The following FGF13 variants were observed in gnomAD, a reference collection of about 807,000 sequenced individuals.
The protein encoded by FGF13 is fibroblast growth factor 13, also known as fibroblast growth factor homologous factor 2.
A neutral mutation model predicts 19.5 loss-of-function variants in FGF13; 2 were observed. That is an observed-to-expected ratio of 0.10 (90% CI 0.04 to 0.32). FGF13 has a LOEUF of 0.32. Among genes scored for constraint, FGF13 ranks in the 10% least tolerant of loss-of-function variants. FGF13 has a pLI of 1.00. For missense variants in FGF13, 113 were observed against 192.7 expected (o/e 0.59, Z 2.45); for synonymous variants, 72 against 76.9 (o/e 0.94, Z 0.33).
intron 3 of FGF13, among the ~76,000 whole-genome samples, chrX:138,809,697 C>A (rs1269803377): frequency 9.1e-6 from 1 of 109,552 alleles, no homozygotes; most frequent in South Asian, 3.8e-4. Flanking sequence ...TTAGAAAACC[C>A]CATCTCAGCC....
In FGF13 at chrX:138,978,266, G is replaced by GTTTTTTTTTTTTTT. The variant is rs10666140; in HGVS notation, c.-112-113630_-112-113617dup. ...TAATCTCTATGGGCTAGCTGCCCTGGTTTTTTTTTTTTTTGAGATGGAGTC... is the reference window on the plus strand; with the variant it reads ...TAATCTCTATGGGCTAGCTGCCCTGGTTTTTTTTTTTTTTTTTTTTTTTTTTTTGAGATGGAGTC... On this transcript the variant is annotated intron_variant, in intron 1 of 2. Transcript: ENST00000421460. Among the ~76,000 whole-genome samples, 27 of 82,885 alleles carry GTTTTTTTTTTTTTT rather than the reference G, an allele frequency of 3.3e-4. 3 individuals are homozygous for GTTTTTTTTTTTTTT. Among genetic ancestry groups the GTTTTTTTTTTTTTT allele is most frequent in the African/African-American group, 6.4e-4 (13 of 20,398 alleles). The allele number at this position is 82,885 out of a possible 115,157, so 72.0% of individuals were successfully genotyped here. A position where few individuals can be genotyped will look rare whatever the true frequency, so the allele number is the denominator to read the frequency against.
intron 1 of FGF13, among the ~76,000 whole-genome samples, chrX:138,875,158 G>A (rs2091380703): frequency 9.3e-6 from 1 of 107,579 alleles, no homozygotes; most frequent in Non-Finnish European, 1.9e-5. Flanking sequence ...CTTGAACCCG[G>A]GAGGCGAAGG....
At position 139,075,666 on chromosome X, in the gene FGF13, C is replaced by T. The variant is rs781062100; in HGVS notation, c.-113+127750G>A. Among the ~76,000 whole-genome samples, 105 of 111,774 alleles carry T rather than the reference C, an allele frequency of 9.4e-4. 1 individual carries two copies. In the South Asian group the frequency reaches 0.014, roughly 15 times the overall value. Reference sequence around the variant, plus strand: ...TGGAGGAGAAAAAGAAGGCTCTCAACTTGTCCACAGGCTAAACCTGCCTCT... The same window carrying T: ...TGGAGGAGAAAAAGAAGGCTCTCAATTTGTCCACAGGCTAAACCTGCCTCT... On this transcript the variant is annotated intron_variant, in intron 1 of 2. Transcript: ENST00000421460.
chrX:138,768,578 TCCTA>T (rs745944248), intron 3 of FGF13, among the ~76,000 whole-genome samples: 3 of 108,736 alleles, frequency 2.8e-5, no homozygotes, highest in South Asian at 7.9e-4. Flanking sequence ...AATATGTCAT[TCCTA>T]CCTATTAATG....
At chrX:138,736,756 C>T (rs1009326071) in intron 1 of FGF13, among the ~76,000 whole-genome samples, 2 of 109,482 alleles carry the variant, frequency 1.8e-5, no homozygotes, top group Admixed American at 2.0e-4. Flanking sequence ...TTTTCTTCCC[C>T]GAGAGAAGAA....
At chrX:139,194,274 T>A (rs983564800) in intron 1 of FGF13, among the ~76,000 whole-genome samples, 15 of 112,338 alleles carry the variant, frequency 1.3e-4, no homozygotes, top group African/African-American at 4.9e-4. Flanking sequence ...TATTATAATA[T>A]GCAGAGAAAA....
intron 1 of FGF13, among the ~76,000 whole-genome samples, chrX:139,084,576 G>A (rs1344445711): frequency 1.8e-5 from 2 of 111,740 alleles, no homozygotes; most frequent in African/African-American, 6.5e-5. Context: ...ACAGTTTGGG[G>A]ACTTAGCAGA....
intron 3 of FGF13, among the ~76,000 whole-genome samples, chrX:138,804,970 G>A (rs2090855239): frequency 9.0e-6 from 1 of 111,696 alleles, no homozygotes; most frequent in African/African-American, 3.2e-5. Context: ...TGATCATAGG[G>A]TGAAGATGGA....
At chrX:139,113,671 C>A (rs2083619486) in intron 1 of FGF13, among the ~76,000 whole-genome samples, 1 of 112,009 alleles carries the variant, frequency 8.9e-6, no homozygotes, top group Non-Finnish European at 1.9e-5. Context: ...TAGTAAAAGT[C>A]CGTTCACAAT....
intron 1 of FGF13, among the ~76,000 whole-genome samples, chrX:138,734,798 G>C (rs760978249): frequency 1.8e-5 from 2 of 111,852 alleles, no homozygotes; most frequent in Non-Finnish European, 3.8e-5. Flanking sequence ...GCCAGCCTGT[G>C]CCTTCCTGGA....
At position 138,987,323 on chromosome X, in the gene FGF13, C is replaced by G. The variant is rs371231802; in HGVS notation, c.-112-122673G>C. 4.5e-5 allele frequency among the ~76,000 whole-genome samples: 5 copies of G among 111,294 alleles called. No homozygotes were observed. In the East Asian group the frequency reaches 1.4e-3, roughly 31 times the overall value. ...TTTCCCTTTCCTTATAGTATTCACT[C>G]TTAGACTCTGTTCCTACTCTACTAA... On this transcript the variant is annotated intron_variant, in intron 1 of 2. Coordinates refer to the FGF13 transcript ENST00000421460.
At chrX:139,192,269 A>C (rs73634008) in intron 1 of FGF13, among the ~76,000 whole-genome samples, 9,330 of 111,222 alleles carry the variant, frequency 0.084, 825 homozygotes, top group African/African-American at 0.26. Context: ...TTTGGAGTGG[A>C]TGACTCCTTT....
At chrX:139,033,197 C>T (rs2092236964) in intron 1 of FGF13, among the ~76,000 whole-genome samples, 2 of 110,810 alleles carry the variant, frequency 1.8e-5, no homozygotes, top group Non-Finnish European at 3.8e-5. Context: ...ATTGCTTTAA[C>T]AAATCAATTT....
In FGF13 at chrX:138,802,960, G is replaced by C. The variant is rs768673936; in HGVS notation, c.217+54552C>G. ...AACTCTTCCTTCTTATTTCTTTCTA[G>C]GAAAAGCACCTCTGTTTATTAAGGA... On this transcript the variant is annotated intron_variant, in intron 3 of 6. Transcript: ENST00000436198. Among the ~76,000 whole-genome samples the C allele has an allele frequency of 5.4e-5, 6 of 111,404 alleles. No individual in the cohort carries two copies. In the East Asian group the frequency reaches 1.7e-3, roughly 32 times the overall value.
chrX:138,954,637 A>C (rs2124293939), intron 1 of FGF13, among the ~76,000 whole-genome samples: 1 of 111,688 alleles, frequency 9.0e-6, no homozygotes, highest in African/African-American at 3.2e-5. Context: ...ATATATTGCT[A>C]AACTTCATTA....
intron 1 of FGF13, among the ~76,000 whole-genome samples, chrX:139,072,509 T>C (rs756708421): frequency 8.9e-6 from 1 of 111,964 alleles, no homozygotes; most frequent in Non-Finnish European, 1.9e-5. Flanking sequence ...ATACAGTGAC[T>C]TTAACTGGAT....
chrX:138,731,586 A>C (rs1223839486), intron 1 of FGF13, among the ~76,000 whole-genome samples: 2 of 110,933 alleles, frequency 1.8e-5, no homozygotes, highest in Non-Finnish European at 3.8e-5. Flanking sequence ...ACTCAAACAG[A>C]AGAAAGTTAT....
intron 1 of FGF13, among the ~76,000 whole-genome samples, chrX:138,879,260 T>C (rs1403378714): frequency 1.8e-5 from 2 of 112,084 alleles, no homozygotes; most frequent in African/African-American, 6.5e-5. Context: ...ATATTCTATA[T>C]ATCAAGCCTT....
chrX:138,620,927 C>A lies in FGF13; in HGVS notation c.*11923G>T, dbSNP rs2089010673. 8.9e-6 allele frequency: 1 copy of A among 111,790 alleles called. No individual in the cohort carries two copies. The highest frequency in any genetic ancestry group is 2.8e-4 in the East Asian group (1 of 3,578). 9.2% of individuals were successfully genotyped at this position (111,790 alleles called of 1,213,427 possible). A position where few individuals can be genotyped will look rare whatever the true frequency, so the allele number is the denominator to read the frequency against. On this transcript the variant is annotated 3_prime_UTR_variant, in exon 5 of 5. Transcript: ENST00000315930. The stretch of plus-strand genomic sequence containing the variant: ...AAAAATAAATGAGTCAATTCATCAA[C>A]AAGATGCAATTTTGAATATATACAC...
Sources: gnomAD v4.1 joint callset for allele counts (sites outside exome capture counted in the v4.1 genomes callset) on GRCh38, gnomAD v4.1.1 for gene constraint, MANE v1.5 for transcripts, NCBI Gene and HGNC (gene_info 2026-07-23, HGNC 2026-07-21) for gene names.